Variants in CNTNAP2 observed in about 807,000 individuals in gnomAD.
The protein encoded by CNTNAP2 is contactin associated protein 2.
CNTNAP2 carries 98 observed loss-of-function variants against 155.2 expected under a neutral mutation model. That is an observed-to-expected ratio of 0.63 (90% CI 0.54 to 0.75). CNTNAP2 has a LOEUF of 0.75. Ranked by LOEUF, CNTNAP2 falls within the 30% of genes least tolerant of loss-of-function variation. The pLI, the probability that CNTNAP2 is intolerant of heterozygous loss-of-function variation, is 0.00. For synonymous variants in CNTNAP2, 651 were observed against 631.2 expected (o/e 1.03, Z -0.47); for missense variants, 1,727 against 1,688.1 (o/e 1.02, Z -0.40).
chr7:147,915,459 T>C (rs1051409246), intron 14 of CNTNAP2, among the ~76,000 whole-genome samples: 2 of 152,188 alleles, frequency 1.3e-5, no homozygotes, highest in Non-Finnish European at 2.9e-5. Context: ...AGGAATATGA[T>C]ATTATGAGGA....
chr7:148,094,501 T>C (rs139366135), intron 15 of CNTNAP2, among the ~76,000 whole-genome samples: 12 of 152,308 alleles, frequency 7.9e-5, no homozygotes, highest in Admixed American at 3.9e-4. Flanking sequence ...GTTAATAGAT[T>C]AGTTAAATCA....
At chr7:146,493,644 G>T (rs573347243) in intron 1 of CNTNAP2, among the ~76,000 whole-genome samples, 2 of 152,194 alleles carry the variant, frequency 1.3e-5, no homozygotes, top group Non-Finnish European at 1.5e-5. Context: ...ATTATTAAAG[G>T]TAGTTAAGAG....
At chr7:147,047,182 C>T (rs1184190556) in intron 4 of CNTNAP2, among the ~76,000 whole-genome samples, 2 of 133,502 alleles carry the variant, frequency 1.5e-5, no homozygotes, top group East Asian at 4.9e-4. Flanking sequence ...AATCTTGGCT[C>T]ACTGCATGCT....
intron 4 of CNTNAP2, among the ~76,000 whole-genome samples, chr7:147,092,135 G>T (rs1800420621): frequency 6.6e-6 from 1 of 152,218 alleles, no homozygotes; most frequent in Non-Finnish European, 1.5e-5. Flanking sequence ...AAATTGTTAA[G>T]ATTGACCTAA....
intron 1 of CNTNAP2, among the ~76,000 whole-genome samples, chr7:146,167,122 T>C (rs543268199): frequency 6.6e-6 from 1 of 152,298 alleles, no homozygotes; most frequent in South Asian, 2.1e-4. Flanking sequence ...TTTGTAGAAG[T>C]CTTACTACCA....
intron 11 of CNTNAP2, among the ~76,000 whole-genome samples, chr7:147,533,507 A>G (rs1799480549): frequency 6.6e-6 from 1 of 152,056 alleles, no homozygotes; most frequent in South Asian, 2.1e-4. Context: ...TTAAATACCT[A>G]TATTTATAAA....
At chr7:147,593,349 A>G (rs913932578) in intron 12 of CNTNAP2, among the ~76,000 whole-genome samples, 1 of 150,934 alleles carries the variant, frequency 6.6e-6, no homozygotes, top group Non-Finnish European at 1.5e-5. Flanking sequence ...AGCCCAGATA[A>G]GCCAAGGAAC....
At chr7:147,136,002 A>G (rs1801470257) in intron 8 of CNTNAP2, among the ~76,000 whole-genome samples, 2 of 151,528 alleles carry the variant, frequency 1.3e-5, no homozygotes, top group Non-Finnish European at 3.0e-5. Flanking sequence ...AAAAGCATTA[A>G]TGTACATTAC....
chr7:147,123,451 G>C (rs1300829006), intron 6 of CNTNAP2, among the ~76,000 whole-genome samples: 2 of 152,254 alleles, frequency 1.3e-5, no homozygotes, highest in South Asian at 2.1e-4. Flanking sequence ...TATCGGATCA[G>C]CAGTTTCATG....
intron 15 of CNTNAP2, among the ~76,000 whole-genome samples, chr7:148,001,207 G>A (rs922269519): frequency 6.6e-6 from 1 of 152,160 alleles, no homozygotes; most frequent in Non-Finnish European, 1.5e-5. Flanking sequence ...TGCTACAATG[G>A]CCAAGAAACA....
chr7:147,654,808 C>CTTTTTTTTTTTTTTTTTTTTT (rs1186575442), intron 13 of CNTNAP2, among the ~76,000 whole-genome samples: 3 of 97,312 alleles, frequency 3.1e-5, no homozygotes, highest in South Asian at 3.7e-4. Flanking sequence ...AAATATATTT[C>CTTTTTTTTTTTTTTTTTTTTT]TTTTTTTTTT....
At chr7:147,120,942 T>C (rs1563083741) in intron 5 of CNTNAP2, 37 bp from the exon 6 acceptor site, 3 of 1,601,344 alleles carry the variant, frequency 1.9e-6, no homozygotes, top group Non-Finnish European at 2.6e-6. Context: ...GGCCATAGCA[T>C]CATTGCATTG....
At chr7:147,193,110 A>C (rs903947210) in intron 8 of CNTNAP2, among the ~76,000 whole-genome samples, 1 of 152,228 alleles carries the variant, frequency 6.6e-6, no homozygotes, top group Non-Finnish European at 1.5e-5. Flanking sequence ...TAATATTAGT[A>C]GTTAATTACT....
At chr7:146,771,956 G>C (rs550139560) in intron 1 of CNTNAP2, among the ~76,000 whole-genome samples, 1 of 152,120 alleles carries the variant, frequency 6.6e-6, no homozygotes, top group African/African-American at 2.4e-5. Flanking sequence ...TAAGTGTTGT[G>C]GCATGTTATA....
At chr7:146,572,542 C>T (rs1299076642) in intron 1 of CNTNAP2, among the ~76,000 whole-genome samples, 1 of 152,076 alleles carries the variant, frequency 6.6e-6, no homozygotes. Context: ...GGAAAGTGCG[C>T]ATATTTGCCC....
At chr7:146,474,290 A>C (rs1380182459) in intron 1 of CNTNAP2, among the ~76,000 whole-genome samples, 1 of 148,858 alleles carries the variant, frequency 6.7e-6, no homozygotes, top group Non-Finnish European at 1.5e-5. Context: ...CATTTATATA[A>C]TATAAATATA....
chr7:147,387,137 T>C (rs930502338), intron 9 of CNTNAP2, among the ~76,000 whole-genome samples: 2 of 152,070 alleles, frequency 1.3e-5, no homozygotes, highest in African/African-American at 4.8e-5. Flanking sequence ...CCATGACACA[T>C]GGAAATTGTG....
chr7:148,327,191 G>T (rs892186459), intron 21 of CNTNAP2, among the ~76,000 whole-genome samples: 1 of 152,162 alleles, frequency 6.6e-6, no homozygotes, highest in Non-Finnish European at 1.5e-5. Context: ...TGCTGCAGTG[G>T]CCCGTGGGCA....
chr7:148,080,323 C>T (rs891736132), intron 15 of CNTNAP2, among the ~76,000 whole-genome samples: 16 of 152,094 alleles, frequency 1.1e-4, no homozygotes, highest in Non-Finnish European at 1.6e-4. Context: ...ACTGATAAAG[C>T]GGCCGGGCAC....
Sources: allele counts gnomAD v4.1 joint callset (sites outside exome capture counted in the v4.1 genomes callset), GRCh38; gene constraint gnomAD v4.1.1; transcripts MANE v1.5; gene names NCBI Gene and HGNC (gene_info 2026-07-23, HGNC 2026-07-21).